The following AFAP1L1 variants were observed in gnomAD, a reference collection of about 807,000 sequenced individuals.
AFAP1L1 encodes the protein actin filament-associated protein 1-like 1.
Under a neutral mutation model 99.8 loss-of-function variants are expected in AFAP1L1, and 77 were observed. That is an observed-to-expected ratio of 0.77 (90% CI 0.64 to 0.93). The LOEUF is 0.93. Ranked by LOEUF, AFAP1L1 falls within the 40% of genes least tolerant of loss-of-function variation. The pLI is 0.00. For missense variants in AFAP1L1, 893 were observed against 996.8 expected, an observed-to-expected ratio of 0.90 and a Z score of 1.40; for synonymous variants, 373 against 395.3, an observed-to-expected ratio of 0.94 and a Z score of 0.67.
chr5:149,326,138 T>G (rs1439443388), intron 15 of AFAP1L1, among the ~76,000 whole-genome samples: 1 of 152,094 alleles, frequency 6.6e-6, no homozygotes, highest in Admixed American at 6.5e-5. Flanking sequence ...TGTGGGAAAG[T>G]GTAAACCAAA....
chr5:149,283,811 T>C (rs1158587029), intron 1 of AFAP1L1, among the ~76,000 whole-genome samples: 1 of 152,186 alleles, frequency 6.6e-6, no homozygotes, highest in African/African-American at 2.4e-5. Flanking sequence ...AAAAGAAAAC[T>C]GATCTCCTGG....
chr5:149,335,671 G>A lies in AFAP1L1; in HGVS notation c.2232G>A (p.Arg744=). 2 of 1,613,692 alleles carry A rather than the reference G, an allele frequency of 1.2e-6. No individual in the cohort carries two copies. Among genetic ancestry groups the A allele is most frequent in the Non-Finnish European group, 1.7e-6 (2 of 1,180,010 alleles). ...PVNCVSELRK[R]SPSIVASNQG... ...ACTGTGTTTCTGAGCTGAGGAAGAG[G>A]AGCCCATCCATCGTAGCCTCCAACC... Residue 744 remains arginine, a synonymous_variant, in exon 18 of 19, where the codon AGG becomes AGA. Coordinates refer to ENST00000296721, the MANE Select transcript of AFAP1L1 (RefSeq NM_152406.4).
chr5:149,305,933 GCAATGCTCTGGGGT>G (rs1756396587), intron 5 of AFAP1L1, among the ~76,000 whole-genome samples: 1 of 146,686 alleles, frequency 6.8e-6, no homozygotes, highest in African/African-American at 2.6e-5. Flanking sequence ...ATGCACACAT[GCAATGCTCTGGGGT>G]CATTGAGGAG....
At chr5:149,298,787 A>C (rs925417083) in intron 1 of AFAP1L1, among the ~76,000 whole-genome samples, 1 of 152,244 alleles carries the variant, frequency 6.6e-6, no homozygotes. Context: ...CTTGCAACTC[A>C]GATGGTCCAG....
chr5:149,305,143 G>A (rs1756368109), intron 5 of AFAP1L1, among the ~76,000 whole-genome samples: 1 of 152,250 alleles, frequency 6.6e-6, no homozygotes, highest in African/African-American at 2.4e-5. Context: ...TTAGCACATT[G>A]TGTGTGCCAG....
At chr5:149,302,673 G>A in intron 5 of AFAP1L1, 147 bp downstream of exon 5, 2 of 696,240 alleles carry the variant, frequency 2.9e-6, no homozygotes, top group South Asian at 4.4e-5. Context: ...GCTACCCTGG[G>A]CACCTGGCCT....
chr5:149,317,953 G>T lies in AFAP1L1; in HGVS notation c.1479+13G>T, dbSNP rs1449369444. 1.3e-6 allele frequency: 2 copies of T among 1,557,528 alleles called. No individual in the cohort carries two copies. On this transcript the variant is annotated intron_variant, in intron 12 of 18. Transcript: ENST00000296721. ...GGCCATCTTGGAGGTGAGAGGAGAG[G>T]GTGGGACGTGGGTGGCTCTTGGTCT...
chr5:149,334,383 C>T (rs1484383675), intron 17 of AFAP1L1, among the ~76,000 whole-genome samples: 1 of 152,194 alleles, frequency 6.6e-6, no homozygotes, highest in African/African-American at 2.4e-5. Flanking sequence ...CTTCCTCCCA[C>T]CAGCATGACC....
intron 17 of AFAP1L1, among the ~76,000 whole-genome samples, chr5:149,334,896 AAAGG>A (rs1023381957): frequency 2.0e-4 from 31 of 152,152 alleles, no homozygotes; most frequent in African/African-American, 7.2e-4. Flanking sequence ...AAAAAGAAAG[AAAGG>A]AAAGAAAGAA....
At position 149,322,689 on chromosome 5, in the gene AFAP1L1, G is replaced by C. The variant is rs759900471; in HGVS notation, c.1782G>C (p.Pro594=). ...SCSEKSHRVD[P]QVKVKRHASS... is the part of the protein sequence containing the mutation. The stretch of plus-strand genomic sequence containing the variant: ...GTGAGAAGTCCCATCGTGTGGACCC[G>C]CAGGTCAAAGTCAAACGCCACGCCT... Residue 594 remains proline (P), a synonymous_variant, in exon 15 of 19, where the codon CCG becomes CCC. Transcript: ENST00000296721. The C allele has an allele frequency of 1.3e-6, 2 of 1,590,018 alleles. No individual in the cohort carries two copies. Among genetic ancestry groups the C allele is most frequent in the Non-Finnish European group, 1.7e-6 (2 of 1,167,198 alleles).
At chr5:149,306,440 G>A in intron 6 of AFAP1L1, 36 bp downstream of exon 6, 3 of 1,560,446 alleles carry the variant, frequency 1.9e-6, no homozygotes, top group Admixed American at 1.8e-5. Flanking sequence ...GCTGGGCAGG[G>A]CTTCTGCCCT....
chr5:149,295,710 T>C (rs987462752), intron 1 of AFAP1L1, among the ~76,000 whole-genome samples: 2 of 152,212 alleles, frequency 1.3e-5, no homozygotes, highest in African/African-American at 4.8e-5. Flanking sequence ...TAGTCGTTCA[T>C]TGGCGGGGGC....
chr5:149,274,072 C>T (rs1012560185), intron 1 of AFAP1L1, among the ~76,000 whole-genome samples: 6 of 152,164 alleles, frequency 3.9e-5, no homozygotes, highest in Admixed American at 1.3e-4. Context: ...CTGCTCTCTC[C>T]CTGCAGGCTT....
At chr5:149,322,752 G>A in intron 15 of AFAP1L1, 35 bp downstream of exon 15, 2 of 1,535,412 alleles carry the variant, frequency 1.3e-6, no homozygotes, top group Non-Finnish European at 1.8e-6. Context: ...GCTGACTAGG[G>A]AGGAAGGAAA....
chr5:149,334,456 T>C (rs1467427891), intron 17 of AFAP1L1, among the ~76,000 whole-genome samples: 1 of 152,222 alleles, frequency 6.6e-6, no homozygotes. Context: ...TCTTTGGAGA[T>C]AAAGAGAAGC....
At position 149,303,714 on chromosome 5, in the gene AFAP1L1, A is replaced by G. The variant is rs146508014; in HGVS notation, c.436+1188A>G. Among the ~76,000 whole-genome samples, 974 of 152,370 alleles carry G rather than the reference A, an allele frequency of 6.4e-3. 10 individuals are homozygous for G. Among genetic ancestry groups the G allele is most frequent in the Middle Eastern group, 0.058 (17 of 294 alleles). ...CACACACACACATGCATCCGTTTTA[A>G]CAATTTTTCAAGGATATGCAAGGAA... On this transcript the variant is annotated intron_variant, in intron 5 of 18. Coordinates refer to ENST00000296721, the MANE Select transcript of AFAP1L1 (RefSeq NM_152406.4).
chr5:149,309,090 G>A (rs1370213265), intron 7 of AFAP1L1, among the ~76,000 whole-genome samples: 1 of 152,132 alleles, frequency 6.6e-6, no homozygotes, highest in African/African-American at 2.4e-5. Context: ...CAGCGTGGGT[G>A]ATAAAGCAAG....
At position 149,320,496 on chromosome 5, in the gene AFAP1L1, C is replaced by T. The variant is rs766557349; in HGVS notation, c.1698+33C>T. The stretch of plus-strand genomic sequence containing the variant: ...CCCTTGGGGCTGCCCAGGAATGTGG[C>T]AAAGGCCACTTATTAGCTCTCCCTC... On this transcript the variant is annotated intron_variant, in intron 14 of 18. Transcript: ENST00000296721. The surrounding 1 kb of genome is among the most constrained non-coding windows in gnomAD (Gnocchi z 4.0). The T allele has an allele frequency of 1.9e-6, 3 of 1,594,558 alleles. No individual in the cohort carries two copies. Among genetic ancestry groups the T allele is most frequent in the Non-Finnish European group, 2.6e-6 (3 of 1,162,344 alleles).
chr5:149,316,169 GC>G lies in AFAP1L1; in HGVS notation c.1135del (p.Leu379TrpfsTer4). 2 of 1,613,832 alleles carry G rather than the reference GC, an allele frequency of 1.2e-6. No individual in the cohort carries two copies. Among genetic ancestry groups the G allele is most frequent in the Non-Finnish European group, 1.7e-6 (2 of 1,179,738 alleles). On this transcript the variant is annotated frameshift_variant, in exon 11 of 19. Transcript: ENST00000296721. LOFTEE classifies it high-confidence loss of function. ...CCAACAGGCAAAGGGAAGAAGAGCA[GC>G]CTGGCAGAACTGAAGGGCTCAATGA... is the stretch of plus-strand genomic sequence containing the variant. Reference protein sequence around the residue: ...TCDHGKGKKSSLAELKGSMSR... With the variant: ...TCDHGKGKKSXLAELKGSMSR...
Sources: allele counts gnomAD v4.1 joint callset (sites outside exome capture counted in the v4.1 genomes callset), GRCh38; gene constraint gnomAD v4.1.1; non-coding constraint Gnocchi (gnomAD v3.1); transcripts MANE v1.5; gene names NCBI Gene and HGNC (gene_info 2026-07-23, HGNC 2026-07-21).